C12orf42: variants seen among roughly 807,000 people sequenced by gnomAD.
The protein encoded by C12orf42 is uncharacterized protein C12orf42.
C12orf42 carries 25 observed loss-of-function variants against 21.6 expected under a neutral mutation model. The ratio of observed to expected loss-of-function variants is 1.16; its 90% CI spans 0.84 to 1.62. C12orf42 has a LOEUF of 1.62. Ranked by LOEUF, C12orf42 falls within the 40% of genes most tolerant of loss-of-function variation. The probability of loss-of-function intolerance (pLI) is 0.00; values close to 1 mark genes in which losing one functional copy is unlikely to be tolerated. For synonymous variants in C12orf42, 174 were observed against 175.0 expected, an observed-to-expected ratio of 0.99 and a Z score of 0.05; for missense variants, 483 against 459.3, an observed-to-expected ratio of 1.05 and a Z score of -0.47.
intron 4 of C12orf42, among the ~76,000 whole-genome samples, chr12:103,290,511 CA>C (rs768633317): frequency 2.7e-4 from 41 of 152,232 alleles, no homozygotes; most frequent in Admixed American, 7.9e-4. Flanking sequence ...AAGTCAAACA[CA>C]TAAAAAATCT....
intron 5 of C12orf42, chr12:103,273,930 C>T (rs2035614423): frequency 4.4e-6 from 2 of 455,990 alleles, no homozygotes; most frequent in Admixed American, 4.7e-5. Flanking sequence ...GTGCTTTTCG[C>T]ATACTCACAG....
intron 2 of C12orf42, among the ~76,000 whole-genome samples, chr12:103,458,058 C>G (rs937060118): frequency 6.6e-6 from 1 of 152,108 alleles, no homozygotes; most frequent in Non-Finnish European, 1.5e-5. Context: ...AAACAAAGAA[C>G]AAAAGCTTAA....
chr12:103,147,615 C>A, the C12orf42 span, among the ~76,000 whole-genome samples: 1 of 91,968 alleles, frequency 1.1e-5, no homozygotes. Flanking sequence ...GCCACTTCTT[C>A]TCTCTCTCTT....
the C12orf42 span, among the ~76,000 whole-genome samples, chr12:103,208,079 C>G: frequency 6.6e-6 from 1 of 152,190 alleles, no homozygotes; most frequent in Non-Finnish European, 1.5e-5. Flanking sequence ...AGTCCACCCA[C>G]AAATCCTCCA....
At chr12:103,545,339 T>C in the C12orf42 span, among the ~76,000 whole-genome samples, 1 of 152,158 alleles carries the variant, frequency 6.6e-6, no homozygotes, top group African/African-American at 2.4e-5. Flanking sequence ...AAGTTGCAAA[T>C]AAATGTATAT....
At chr12:103,495,439 C>T (rs1434354876) in intron 1 of C12orf42, among the ~76,000 whole-genome samples, 1 of 151,992 alleles carries the variant, frequency 6.6e-6, no homozygotes, top group Non-Finnish European at 1.5e-5. Flanking sequence ...CCCACCCCTC[C>T]CCCTTCCTGT....
chr12:103,545,060 C>A, the C12orf42 span, among the ~76,000 whole-genome samples: 2 of 152,264 alleles, frequency 1.3e-5, no homozygotes, highest in East Asian at 3.9e-4. Flanking sequence ...AGCAAGTAGC[C>A]TCAAATGGAA....
At chr12:103,193,783 C>T in the C12orf42 span, among the ~76,000 whole-genome samples, 9 of 152,050 alleles carry the variant, frequency 5.9e-5, no homozygotes, top group African/African-American at 2.2e-4. Context: ...AGAATTAATA[C>T]CAATCACTTT....
chr12:103,244,744 T>A (rs1327610754), intron 10 of C12orf42, among the ~76,000 whole-genome samples: 2 of 152,070 alleles, frequency 1.3e-5, no homozygotes, highest in African/African-American at 2.4e-5. Flanking sequence ...ATGTATTTTT[T>A]ACTTTCTTTT....
the C12orf42 span, among the ~76,000 whole-genome samples, chr12:103,215,301 T>C: frequency 6.6e-6 from 1 of 151,816 alleles, no homozygotes; most frequent in Non-Finnish European, 1.5e-5. Context: ...TAAATACATA[T>C]ATTAATATTA....
At chr12:103,141,773 G>A in the C12orf42 span, among the ~76,000 whole-genome samples, 2 of 151,906 alleles carry the variant, frequency 1.3e-5, no homozygotes, top group Non-Finnish European at 2.9e-5. Flanking sequence ...CAAATGATCC[G>A]CCTGCTTCAG....
At position 103,302,099 on chromosome 12, in the gene C12orf42, T is replaced by A; in HGVS notation, c.*9A>T. On this transcript the variant is annotated 3_prime_UTR_variant, in exon 6 of 6. Transcript: ENST00000548883. ...GGGCAGCACTCGCCGAACAATTCCC[T>A]CGCAGCGGTCAATGTAAGTGAGCAT... is the stretch of plus-strand genomic sequence containing the variant. 1.2e-6 allele frequency: 2 copies of A among 1,604,960 alleles called. No homozygotes were observed. The highest frequency in any genetic ancestry group is 1.7e-6 in the Non-Finnish European group (2 of 1,175,806).
the C12orf42 span, among the ~76,000 whole-genome samples, chr12:103,196,437 A>G: frequency 1.3e-5 from 2 of 152,138 alleles, no homozygotes; most frequent in Non-Finnish European, 2.9e-5. Context: ...TGTTCTGTAG[A>G]TATCTATTAG....
At chr12:103,479,330 T>G (rs1954295011) in intron 1 of C12orf42, among the ~76,000 whole-genome samples, 2 of 152,084 alleles carry the variant, frequency 1.3e-5, no homozygotes, top group Admixed American at 6.6e-5. Context: ...AATAGGAAGT[T>G]AAGGCAAGGA....
rs187352395 is a variant in C12orf42, at chr12:103,277,896, G to A, written n.338-686C>T. ...GGCCTCCCAAAGTGCTGGGATTACA[G>A]GTGTGAGCCACTGCACCCGATGAGC... On this transcript the variant is annotated intron_variant and non_coding_transcript_variant, in intron 4 of 6. Transcript: ENST00000546526. Among the ~76,000 whole-genome samples the A allele has an allele frequency of 5.1e-3, 773 of 152,194 alleles. 2 individuals carry two copies. Among genetic ancestry groups the A allele is most frequent in the Non-Finnish European group, 7.0e-3 (475 of 67,998 alleles).
intron 4 of C12orf42, among the ~76,000 whole-genome samples, chr12:103,341,030 G>A (rs1315272062): frequency 8.2e-5 from 12 of 145,882 alleles, no homozygotes; most frequent in East Asian, 2.2e-4. Flanking sequence ...GGAGAATGGC[G>A]TGAACCAGGG....
the C12orf42 span, among the ~76,000 whole-genome samples, chr12:103,085,530 C>T: frequency 1.3e-5 from 2 of 150,934 alleles, no homozygotes; most frequent in African/African-American, 2.4e-5. Context: ...CAAAATTATT[C>T]GAATGAAAAG....
the C12orf42 span, among the ~76,000 whole-genome samples, chr12:103,135,612 A>G: frequency 3.5e-4 from 54 of 152,336 alleles, no homozygotes; most frequent in African/African-American, 1.2e-3. Context: ...AAACTCTCAC[A>G]TATCAATAAC....
the C12orf42 span, among the ~76,000 whole-genome samples, chr12:103,542,067 A>G: frequency 6.6e-6 from 1 of 152,250 alleles, no homozygotes. Flanking sequence ...AGACAGGCCT[A>G]CATCAGATAT....
Sources: gnomAD v4.1 joint callset for allele counts (sites outside exome capture counted in the v4.1 genomes callset) on GRCh38, gnomAD v4.1.1 for gene constraint, MANE v1.5 for transcripts, NCBI Gene and HGNC (gene_info 2026-07-23, HGNC 2026-07-21) for gene names.